The following THSD4 variants were observed in gnomAD, a reference collection of about 807,000 sequenced individuals.
THSD4 encodes thrombospondin type 1 domain containing 4, also known as thrombospondin type-1 domain-containing protein 4.
A neutral mutation model predicts 119.0 loss-of-function variants in THSD4; 69 were observed. That is an observed-to-expected ratio of 0.58 (90% CI 0.48 to 0.71). The LOEUF is 0.71. Among genes scored for constraint, THSD4 ranks in the 30% least tolerant of loss-of-function variants. The probability of loss-of-function intolerance (pLI) is 0.00; values close to 1 mark genes in which losing one functional copy is unlikely to be tolerated. For synonymous variants in THSD4, 524 were observed against 540.4 expected (o/e 0.97, Z 0.42); for missense variants, 1,393 against 1,391.1 (o/e 1.00, Z -0.02).
At chr15:71,759,485 T>C (rs1217793310) in intron 15 of THSD4, among the ~76,000 whole-genome samples, 1 of 152,210 alleles carries the variant, frequency 6.6e-6, no homozygotes, top group Non-Finnish European at 1.5e-5. Flanking sequence ...GAATTACCCA[T>C]TGCTTGGGAT....
intron 7 of THSD4, among the ~76,000 whole-genome samples, chr15:71,584,138 C>T (rs998211384): frequency 1.3e-5 from 2 of 151,508 alleles, no homozygotes; most frequent in African/African-American, 4.9e-5. Context: ...TGAATTGATT[C>T]CTTTATCATC....
At chr15:71,403,062 C>T (rs1301907708) in intron 6 of THSD4, among the ~76,000 whole-genome samples, 2 of 152,142 alleles carry the variant, frequency 1.3e-5, no homozygotes, top group Admixed American at 6.5e-5. Context: ...GAATTCTCTC[C>T]TGGAACTCTC....
intron 3 of THSD4, among the ~76,000 whole-genome samples, chr15:71,160,988 T>G (rs1056216661): frequency 2.6e-5 from 4 of 151,980 alleles, no homozygotes; most frequent in African/African-American, 9.7e-5. Flanking sequence ...AAATTAAAAT[T>G]TCCCTTTTAA....
chr15:71,628,237 C>T (rs1450891417), intron 7 of THSD4, among the ~76,000 whole-genome samples: 1 of 152,090 alleles, frequency 6.6e-6, no homozygotes, highest in East Asian at 1.9e-4. Context: ...GACAGAGGAG[C>T]AGAAGCCTTG....
At chr15:71,428,302 A>C (rs1292677910) in intron 7 of THSD4, among the ~76,000 whole-genome samples, 1 of 152,200 alleles carries the variant, frequency 6.6e-6, no homozygotes. Flanking sequence ...CTGTATGGGG[A>C]AACTCCATGC....
At chr15:71,316,886 G>A (rs2045194496) in intron 6 of THSD4, among the ~76,000 whole-genome samples, 2 of 152,204 alleles carry the variant, frequency 1.3e-5, no homozygotes, top group South Asian at 4.1e-4. Flanking sequence ...TTATCAGTGG[G>A]ACCTAATAAA....
chr15:71,659,890 C>T (rs758370776), intron 7 of THSD4, among the ~76,000 whole-genome samples: 2 of 152,136 alleles, frequency 1.3e-5, no homozygotes, highest in Non-Finnish European at 2.9e-5. Context: ...ACAGACAGCA[C>T]TCTGTGGTTT....
chr15:71,294,502 G>A (rs1406642856), intron 6 of THSD4, among the ~76,000 whole-genome samples: 1 of 152,178 alleles, frequency 6.6e-6, no homozygotes, highest in East Asian at 1.9e-4. Flanking sequence ...GGGGATACCA[G>A]CGTTCACATT....
chr15:71,624,854 A>G (rs1322338563), intron 7 of THSD4, among the ~76,000 whole-genome samples: 4 of 152,206 alleles, frequency 2.6e-5, no homozygotes, highest in Non-Finnish European at 5.9e-5. Context: ...AATCCATTAT[A>G]CTGTCATTGA....
At chr15:71,536,717 T>C (rs934227055) in intron 7 of THSD4, among the ~76,000 whole-genome samples, 2 of 152,154 alleles carry the variant, frequency 1.3e-5, no homozygotes, top group African/African-American at 4.8e-5. Context: ...AAATCTCTCT[T>C]AGCAGTTTCC....
chr15:71,271,118 T>A (rs1391077553), intron 6 of THSD4, among the ~76,000 whole-genome samples: 1 of 151,822 alleles, frequency 6.6e-6, no homozygotes, highest in African/African-American at 2.4e-5. Flanking sequence ...AAAAATTAAT[T>A]CATTCAAGAG....
chr15:71,213,661 A>G (rs2043905810), intron 3 of THSD4, among the ~76,000 whole-genome samples: 1 of 152,226 alleles, frequency 6.6e-6, no homozygotes, highest in South Asian at 2.1e-4. Context: ...TGCTCTTGGC[A>G]TGGAGCCTGG....
chr15:71,705,366 C>T (rs890411503), intron 8 of THSD4, among the ~76,000 whole-genome samples: 3 of 152,206 alleles, frequency 2.0e-5, no homozygotes, highest in African/African-American at 7.2e-5. Flanking sequence ...CACAGATAAC[C>T]AGACCCACAT....
intron 1 of THSD4, among the ~76,000 whole-genome samples, chr15:71,128,977 G>C (rs756477899): frequency 6.6e-6 from 1 of 152,180 alleles, no homozygotes; most frequent in Non-Finnish European, 1.5e-5. Context: ...GAGGCTGGTG[G>C]AGGAGGCTGG....
intron 2 of THSD4, among the ~76,000 whole-genome samples, 189 bp from the exon 3 acceptor site, chr15:71,154,674 C>T (rs2040758601): frequency 6.6e-6 from 1 of 152,216 alleles, no homozygotes; most frequent in African/African-American, 2.4e-5. Flanking sequence ...CCATGCCATG[C>T]CTTGCCACAG....
At chr15:71,197,795 C>G (rs1454318786) in intron 3 of THSD4, among the ~76,000 whole-genome samples, 8 of 152,222 alleles carry the variant, frequency 5.3e-5, no homozygotes, top group African/African-American at 1.7e-4. Flanking sequence ...ATACCTGCTG[C>G]CTGTCTGCCC....
chr15:71,327,462 AT>A (rs2045361018), intron 6 of THSD4, among the ~76,000 whole-genome samples: 1 of 148,570 alleles, frequency 6.7e-6, no homozygotes, highest in African/African-American at 2.4e-5. Context: ...TATAAAACCA[AT>A]TCACTAATGC....
At chr15:71,410,471 C>G (rs1221967477) in intron 6 of THSD4, among the ~76,000 whole-genome samples, 1 of 152,126 alleles carries the variant, frequency 6.6e-6, no homozygotes. Flanking sequence ...AACAGTTAAG[C>G]AACGGCTAGA....
At chr15:71,553,375 G>C (rs947286700) in intron 7 of THSD4, among the ~76,000 whole-genome samples, 1 of 150,784 alleles carries the variant, frequency 6.6e-6, no homozygotes, top group Admixed American at 6.6e-5. Flanking sequence ...GCCCAGGCTG[G>C]AGTGCAATGG....
Sources: allele counts gnomAD v4.1 joint callset (sites outside exome capture counted in the v4.1 genomes callset), GRCh38; gene constraint gnomAD v4.1.1; transcripts MANE v1.5; gene names NCBI Gene and HGNC (gene_info 2026-07-23, HGNC 2026-07-21).